Variants in CASR observed in about 807,000 individuals in gnomAD.
CASR encodes the protein extracellular calcium-sensing receptor.
CASR carries 23 observed loss-of-function variants against 69.1 expected under a neutral mutation model. The ratio of observed to expected loss-of-function variants is 0.33; its 90% CI spans 0.24 to 0.47. CASR has a LOEUF of 0.47. Among genes scored for constraint, CASR ranks in the 20% least tolerant of loss-of-function variants. The pLI is 1.00. For synonymous variants in CASR, 541 were observed against 544.7 expected, an observed-to-expected ratio of 0.99 and a Z score of 0.10; for missense variants, 924 against 1,356.1, an observed-to-expected ratio of 0.68 and a Z score of 5.00.
chr3:122,284,999 G>A lies in CASR; in HGVS notation c.3045G>A (p.Pro1015=), dbSNP rs533848602. ...DTLTRHEPLL[P]LQCGETDLDL... is the part of the protein sequence containing the mutation. Reference sequence around the variant, plus strand: ...TGACCCGACACGAGCCATTACTCCCGCTGCAGTGCGGGGAAACGGACTTAG... The same window carrying A: ...TGACCCGACACGAGCCATTACTCCCACTGCAGTGCGGGGAAACGGACTTAG... Residue 1015 remains proline (P), a synonymous_variant, in exon 7 of 7, where the codon CCG becomes CCA. Transcript: ENST00000639785. 3.7e-6 allele frequency: 6 copies of A among 1,614,204 alleles called. No individual in the cohort carries two copies. The highest frequency in any genetic ancestry group is 2.2e-5 in the East Asian group (1 of 44,882).
chr3:122,234,803 A>G (rs1392904666), intron 1 of CASR, among the ~76,000 whole-genome samples: 1 of 152,236 alleles, frequency 6.6e-6, no homozygotes, highest in African/African-American at 2.4e-5. Flanking sequence ...TATCTGAGAC[A>G]GTGTTCCTCC....
intron 1 of CASR, among the ~76,000 whole-genome samples, chr3:122,243,010 T>C (rs1187897466): frequency 6.6e-6 from 1 of 152,102 alleles, no homozygotes; most frequent in African/African-American, 2.4e-5. Context: ...TCTCACCATA[T>C]ACAAAAATCA....
At chr3:122,270,626 T>C (rs1165089403) in intron 4 of CASR, among the ~76,000 whole-genome samples, 1 of 152,204 alleles carries the variant, frequency 6.6e-6, no homozygotes, top group Non-Finnish European at 1.5e-5. Context: ...TCTTATAATA[T>C]AGACATTTAC....
At chr3:122,223,899 A>G (rs2107603641) in intron 1 of CASR, among the ~76,000 whole-genome samples, 1 of 152,344 alleles carries the variant, frequency 6.6e-6, no homozygotes, top group Non-Finnish European at 1.5e-5. Flanking sequence ...GCAAATCAAT[A>G]AATGCAATTT....
chr3:122,197,470 C>G (rs139215894), intron 1 of CASR, among the ~76,000 whole-genome samples: 96 of 152,202 alleles, frequency 6.3e-4, no homozygotes, highest in African/African-American at 2.2e-3. Flanking sequence ...GACCTTTGAC[C>G]GATGTTCGTA....
chr3:122,216,588 C>CA (rs1241726538), intron 1 of CASR, among the ~76,000 whole-genome samples: 1 of 152,060 alleles, frequency 6.6e-6, no homozygotes, highest in Non-Finnish European at 1.5e-5. Context: ...GGAATAAGGA[C>CA]AAAAAACTAT....
At chr3:122,221,626 C>A (rs1398510474) in intron 1 of CASR, among the ~76,000 whole-genome samples, 1 of 152,238 alleles carries the variant, frequency 6.6e-6, no homozygotes, top group Non-Finnish European at 1.5e-5. Flanking sequence ...CTTTACTGAT[C>A]TATTGCCACT....
At chr3:122,266,198 T>C (rs1275963448) in intron 4 of CASR, among the ~76,000 whole-genome samples, 1 of 151,888 alleles carries the variant, frequency 6.6e-6, no homozygotes, top group Non-Finnish European at 1.5e-5. Flanking sequence ...TTTCCATTTA[T>C]GCTTATAATG....
rs377375862 is a variant in CASR, at chr3:122,249,435, TAGAG to T, written c.-242-4510_-242-4507del. ...CTTGCACTCCCTGGTATCTAGCACA[TAGAG>T]AGCTCAATAAATGTTTTTTGAATGA... On this transcript the variant is annotated intron_variant, in intron 1 of 6. Coordinates refer to ENST00000639785, the MANE Select transcript of CASR (RefSeq NM_000388.4). Among the ~76,000 whole-genome samples the T allele has an allele frequency of 3.5e-4, 53 of 152,382 alleles. No homozygotes were observed. In the South Asian group the frequency reaches 0.01, roughly 30 times the overall value.
intron 4 of CASR, among the ~76,000 whole-genome samples, chr3:122,267,322 C>T (rs546682226): frequency 8.5e-5 from 13 of 152,110 alleles, no homozygotes; most frequent in East Asian, 1.9e-4. Context: ...AAGTGGATAA[C>T]GTACAAATTT....
chr3:122,288,390 G>T lies in CASR; in HGVS notation c.*3199G>T, dbSNP rs2074986998. 1 of 152,250 alleles carries T rather than the reference G, an allele frequency of 6.6e-6. No individual in the cohort carries two copies. The highest frequency in any genetic ancestry group is 2.4e-5 in the African/African-American group (1 of 41,458). The allele number at this position is 152,250 out of a possible 1,614,324, so 9.4% of individuals were successfully genotyped here. A position where few individuals can be genotyped will look rare whatever the true frequency, so the allele number is the denominator to read the frequency against. ...GGACTTTGGACCTCCAGATCTGTAAGATAATACATTTGTGTTGTTTTAAGC... is the reference window on the plus strand; with the variant it reads ...GGACTTTGGACCTCCAGATCTGTAATATAATACATTTGTGTTGTTTTAAGC... On this transcript the variant is annotated 3_prime_UTR_variant, in exon 7 of 7. Coordinates refer to ENST00000639785, the MANE Select transcript of CASR (RefSeq NM_000388.4).
chr3:122,252,203 G>T (rs2074490218), intron 1 of CASR, among the ~76,000 whole-genome samples: 1 of 151,490 alleles, frequency 6.6e-6, no homozygotes, highest in South Asian at 2.1e-4. Flanking sequence ...AGAGGCAGAG[G>T]TGAGAGGACT....
chr3:122,199,008 C>T (rs1281485417), intron 1 of CASR, among the ~76,000 whole-genome samples: 1 of 152,132 alleles, frequency 6.6e-6, no homozygotes, highest in African/African-American at 2.4e-5. Context: ...TTCAAATTCC[C>T]TCTTTTTATA....
At position 122,189,299 on chromosome 3, in the gene CASR, G is replaced by T. The variant is rs562566852; in HGVS notation, c.-243+5487G>T. On this transcript the variant is annotated intron_variant, in intron 1 of 6. Coordinates refer to ENST00000639785, the MANE Select transcript of CASR (RefSeq NM_000388.4). ...AAGGTAATGTCTCCTTCACAGGGCGGTTGTGAAGTTTAAATGAGTTAAATG... is the reference window on the plus strand; with the variant it reads ...AAGGTAATGTCTCCTTCACAGGGCGTTTGTGAAGTTTAAATGAGTTAAATG... Among the ~76,000 whole-genome samples, 5 of 152,338 alleles carry T rather than the reference G, an allele frequency of 3.3e-5. No individual in the cohort carries two copies. In the South Asian group the frequency reaches 1.0e-3, roughly 32 times the overall value.
intron 5 of CASR, among the ~76,000 whole-genome samples, chr3:122,280,308 C>T (rs34982378): frequency 0.074 from 11,295 of 152,234 alleles, 573 homozygotes; most frequent in Middle Eastern, 0.16. Context: ...CACAAGGATG[C>T]CCGCTCTCAC....
chr3:122,275,865 G>C lies in CASR; in HGVS notation c.1431G>C (p.Val477=), dbSNP rs1160830428. The change falls in exon 5 of 7, where the codon GTG becomes GTC. Residue 477 remains valine, a synonymous_variant. Coordinates refer to ENST00000639785, the MANE Select transcript of CASR (RefSeq NM_000388.4). ...TTACAAACAATATGGGGGAGCAGGT[G>C]ACCTTTGATGAGTGTGGTGACCTGG... ...LNFTNNMGEQ[V]TFDECGDLVG... The C allele has an allele frequency of 1.9e-6, 3 of 1,614,048 alleles. No individual in the cohort carries two copies. The highest frequency in any genetic ancestry group is 2.5e-6 in the Non-Finnish European group (3 of 1,180,016).
intron 1 of CASR, among the ~76,000 whole-genome samples, chr3:122,184,797 C>T (rs1260217507): frequency 6.6e-6 from 1 of 152,258 alleles, no homozygotes; most frequent in Non-Finnish European, 1.5e-5. Flanking sequence ...CGCACCAAAA[C>T]GCCTGCTGTT....
In CASR at chr3:122,282,095, G is replaced by A. The variant is rs2074895961; in HGVS notation, c.1609-18G>A. 2 of 1,614,092 alleles carry A rather than the reference G, an allele frequency of 1.2e-6. No individual in the cohort carries two copies. Among genetic ancestry groups the A allele is most frequent in the South Asian group, 2.2e-5 (2 of 91,090 alleles). On this transcript the variant is annotated intron_variant, in intron 5 of 6. Transcript: ENST00000639785. ...CCTACAACTACAGCCACTCACCTTT[G>A]TGCTGTCTGTCCTCCAGGTGCCCTT...
chr3:122,196,545 G>A (rs2073893261), intron 1 of CASR, among the ~76,000 whole-genome samples: 1 of 151,192 alleles, frequency 6.6e-6, no homozygotes, highest in Non-Finnish European at 1.5e-5. Context: ...GTTTTGTTTT[G>A]TTTTGTTTTT....
Sources: gnomAD v4.1 joint callset for allele counts (sites outside exome capture counted in the v4.1 genomes callset) on GRCh38, gnomAD v4.1.1 for gene constraint, MANE v1.5 for transcripts, NCBI Gene and HGNC (gene_info 2026-07-23, HGNC 2026-07-21) for gene names.